The following KIFAP3 variants were observed in gnomAD, a reference collection of about 807,000 sequenced individuals.
KIFAP3 encodes the protein kinesin-associated protein 3.
A neutral mutation model predicts 106.5 loss-of-function variants in KIFAP3; 68 were observed. The ratio of observed to expected loss-of-function variants is 0.64; its 90% CI spans 0.53 to 0.78. The LOEUF (loss-of-function observed/expected upper bound fraction) is 0.78, where lower values mean the gene tolerates loss of function less well. Among genes scored for constraint, KIFAP3 ranks in the 30% least tolerant of loss-of-function variants. The pLI is 0.00. For synonymous variants in KIFAP3, 320 were observed against 311.5 expected (o/e 1.03, Z -0.29); for missense variants, 780 against 941.8 (o/e 0.83, Z 2.25).
Position 170,003,943 on chromosome 1 carries a change from T to C in KIFAP3, c.1184-11688A>G, listed in dbSNP as rs961444142. Among the ~76,000 whole-genome samples, 120 of 152,218 alleles carry C rather than the reference T, an allele frequency of 7.9e-4. 1 individual carries two copies. Among genetic ancestry groups the C allele is most frequent in the African/African-American group, 2.8e-3 (115 of 41,524 alleles). ...TTGTCCCTGTTTGCAGATGACATGA[T>C]TGTATATCTAGAAAACCCCATTGTC... On this transcript the variant is annotated intron_variant, in intron 10 of 19. Coordinates refer to ENST00000361580, the MANE Select transcript of KIFAP3 (RefSeq NM_014970.4).
rs1668796144 is a variant in KIFAP3 at position 170,021,191 on chromosome 1, T to C, written c.1020+3227A>G. Among the ~76,000 whole-genome samples the C allele has an allele frequency of 2.0e-5, 3 of 152,112 alleles. No individual in the cohort carries two copies. In the South Asian group the frequency reaches 6.2e-4, roughly 31 times the overall value. ...TCTGTTGTTCCTCTAAAAAACTGTC[T>C]AAAAGCCAGGCTGATATTAGTTCAC... On this transcript the variant is annotated intron_variant, in intron 9 of 19. Transcript: ENST00000361580.
chr1:169,926,000 G>A (rs371413980), intron 19 of KIFAP3, among the ~76,000 whole-genome samples: 20 of 152,116 alleles, frequency 1.3e-4, no homozygotes, highest in African/African-American at 4.3e-4. Context: ...AAGAATAAAT[G>A]CAGGCCAAAT....
chr1:170,055,780 C>G (rs893563930), intron 1 of KIFAP3, among the ~76,000 whole-genome samples: 4 of 151,994 alleles, frequency 2.6e-5, no homozygotes, highest in Non-Finnish European at 5.9e-5. Flanking sequence ...GAGAGAATGA[C>G]CTCAACTAAA....
chr1:169,983,212 CA>C, intron 13 of KIFAP3, 57 bp downstream of exon 13: 1 of 978,208 alleles, frequency 1.0e-6, no homozygotes, highest in South Asian at 1.5e-5. Context: ...GCTGTATTTC[CA>C]AATGTAGCAA....
intron 9 of KIFAP3, among the ~76,000 whole-genome samples, chr1:170,020,361 T>C (rs1668746873): frequency 6.6e-6 from 1 of 152,154 alleles, no homozygotes; most frequent in South Asian, 2.1e-4. Flanking sequence ...GCTATAGTAA[T>C]CAAGAGAAAG....
intron 19 of KIFAP3, among the ~76,000 whole-genome samples, chr1:169,929,140 C>T (rs1486015646): frequency 6.6e-6 from 1 of 152,140 alleles, no homozygotes; most frequent in African/African-American, 2.4e-5. Flanking sequence ...GGTACTTCTA[C>T]AAAATTTCAA....
chr1:169,997,897 TAAA>T (rs11297527), intron 10 of KIFAP3, among the ~76,000 whole-genome samples: 8 of 130,198 alleles, frequency 6.1e-5, no homozygotes, highest in Non-Finnish European at 1.3e-4. Flanking sequence ...AAAAAAAGGA[TAAA>T]AAAAAAAAAA....
At chr1:170,020,385 A>C (rs988140039) in intron 9 of KIFAP3, among the ~76,000 whole-genome samples, 5 of 152,240 alleles carry the variant, frequency 3.3e-5, no homozygotes, top group Non-Finnish European at 4.4e-5. Context: ...TATCAATGAA[A>C]GCACAGACAC....
chr1:170,047,936 G>C (rs773048259), intron 2 of KIFAP3, among the ~76,000 whole-genome samples: 1 of 152,142 alleles, frequency 6.6e-6, no homozygotes, highest in Non-Finnish European at 1.5e-5. Flanking sequence ...CCCATGCAAG[G>C]TTCTTTTGAA....
rs963777518 is a variant in KIFAP3 at position 169,953,895 on chromosome 1, T to C, written c.2273+116A>G. The C allele has an allele frequency of 5.5e-6, 4 of 723,970 alleles. No homozygotes were observed. In the African/African-American group the frequency reaches 7.1e-5, roughly 13 times the overall value. 44.8% of individuals were successfully genotyped at this position (723,970 alleles called of 1,614,324 possible). Reference sequence around the variant, plus strand: ...CAAACAAACATGCCCTTGAAAAGATTGAGGGTTTTTTCCCCCCTCTTAATG... The same window carrying C: ...CAAACAAACATGCCCTTGAAAAGATCGAGGGTTTTTTCCCCCCTCTTAATG... On this transcript the variant is annotated intron_variant, in intron 19 of 19. Coordinates refer to ENST00000361580, the MANE Select transcript of KIFAP3 (RefSeq NM_014970.4).
rs16862922 is a variant in KIFAP3 at position 170,014,637 on chromosome 1, T to C, written c.1183+1825A>G. On this transcript the variant is annotated intron_variant, in intron 10 of 19. Transcript: ENST00000361580. The stretch of plus-strand genomic sequence containing the variant: ...TGCTTAGCGCTGTGCTTTGCTATGG[T>C]AGAGTATCAACATTTTACTGAAATA... Among the ~76,000 whole-genome samples the C allele has an allele frequency of 7.4e-3, 1,129 of 152,254 alleles. 19 individuals carry two copies. The highest frequency in any genetic ancestry group is 0.025 in the African/African-American group (1,026 of 41,564).
chr1:170,040,435 T>A (rs185710206), intron 3 of KIFAP3, among the ~76,000 whole-genome samples: 1 of 152,144 alleles, frequency 6.6e-6, no homozygotes, highest in Non-Finnish European at 1.5e-5. Context: ...TATGATGACA[T>A]AGAAATTTTT....
intron 2 of KIFAP3, among the ~76,000 whole-genome samples, chr1:170,051,918 C>T (rs1670594735): frequency 6.6e-6 from 1 of 152,080 alleles, no homozygotes; most frequent in African/African-American, 2.4e-5. Context: ...GACACCCTAA[C>T]ATCAAAATTA....
At chr1:169,995,917 T>TTG (rs201222364) in intron 10 of KIFAP3, among the ~76,000 whole-genome samples, 44 of 150,986 alleles carry the variant, frequency 2.9e-4, no homozygotes, top group African/African-American at 5.8e-4. Context: ...TACATATAGC[T>TTG]TGTGTGTGTG....
chr1:170,083,473 G>T (rs947786363), intron 1 of KIFAP3, among the ~76,000 whole-genome samples: 4 of 152,096 alleles, frequency 2.6e-5, no homozygotes, highest in Non-Finnish European at 5.9e-5. Context: ...CTGTTCTACC[G>T]CTTATTTACT....
chr1:170,065,539 G>A (rs1303303776), intron 1 of KIFAP3, among the ~76,000 whole-genome samples: 3 of 149,024 alleles, frequency 2.0e-5, no homozygotes, highest in African/African-American at 5.0e-5. Context: ...GCGTGAACCC[G>A]GGAGGCGGAG....
intron 2 of KIFAP3, among the ~76,000 whole-genome samples, chr1:170,047,275 G>A (rs1236894843): frequency 6.6e-6 from 1 of 151,880 alleles, no homozygotes; most frequent in Admixed American, 6.6e-5. Context: ...ATATTGATAT[G>A]TTCAGATTCA....
intron 11 of KIFAP3, among the ~76,000 whole-genome samples, chr1:169,990,850 G>C (rs1367490750): frequency 2.0e-5 from 3 of 152,148 alleles, no homozygotes; most frequent in Admixed American, 1.3e-4. Flanking sequence ...GAGAGCAGTT[G>C]TATAAAAATG....
intron 19 of KIFAP3, among the ~76,000 whole-genome samples, chr1:169,934,553 T>C (rs934141399): frequency 1.3e-5 from 2 of 152,174 alleles, no homozygotes; most frequent in Non-Finnish European, 2.9e-5. Context: ...TTACTGCCAG[T>C]GTTGGCTTCT....
Sources: gnomAD v4.1 joint callset for allele counts (sites outside exome capture counted in the v4.1 genomes callset) on GRCh38, gnomAD v4.1.1 for gene constraint, MANE v1.5 for transcripts, NCBI Gene and HGNC (gene_info 2026-07-23, HGNC 2026-07-21) for gene names.